PPEF1: variants seen among roughly 807,000 people sequenced by gnomAD.
PPEF1 encodes the protein protein phosphatase with EF-hand domain 1.
PPEF1 carries 12 observed loss-of-function variants against 53.3 expected under a neutral mutation model. That is an observed-to-expected ratio of 0.23 (90% confidence interval 0.14 to 0.36). The LOEUF is 0.36. Among genes scored for constraint, PPEF1 ranks in the 10% least tolerant of loss-of-function variants. PPEF1 has a pLI of 1.00. For missense variants in PPEF1, 334 were observed against 490.4 expected (o/e 0.68, Z 3.01); for synonymous variants, 165 against 176.7 (o/e 0.93, Z 0.52).
chrX:18,799,096 C>T (rs2046492923), intron 10 of PPEF1, among the ~76,000 whole-genome samples: 1 of 111,229 alleles, frequency 9.0e-6, no homozygotes, highest in Non-Finnish European at 1.9e-5. Context: ...ATTAGCCGGG[C>T]GTGGTGGCGC....
At chrX:18,807,991 G>A (rs1163442258) in intron 12 of PPEF1, among the ~76,000 whole-genome samples, 3 of 82,680 alleles carry the variant, frequency 3.6e-5, no homozygotes, top group African/African-American at 4.8e-5. Context: ...TTTTTGAGAC[G>A]GAGTCTTGCT....
At chrX:18,791,795 A>G (rs961669908) in intron 10 of PPEF1, among the ~76,000 whole-genome samples, 1 of 112,087 alleles carries the variant, frequency 8.9e-6, no homozygotes, top group Non-Finnish European at 1.9e-5. Context: ...GTCTTTCATC[A>G]AGTATGATAT....
At chrX:18,826,416 G>GTTTTT (rs2047164827) in intron 15 of PPEF1, among the ~76,000 whole-genome samples, 2 of 51,085 alleles carry the variant, frequency 3.9e-5, no homozygotes, top group African/African-American at 1.9e-4. Flanking sequence ...GTCATTTTCT[G>GTTTTT]CTTTTTTTTT....
At chrX:18,684,776 G>A (rs1446282298) in intron 2 of PPEF1, among the ~76,000 whole-genome samples, 2 of 110,732 alleles carry the variant, frequency 1.8e-5, no homozygotes, top group East Asian at 2.8e-4. Flanking sequence ...CCAGGTATCC[G>A]CCACCACGCC....
intron 4 of PPEF1, among the ~76,000 whole-genome samples, chrX:18,694,629 TGGGA>T (rs1227372488): frequency 1.8e-5 from 2 of 111,128 alleles, no homozygotes; most frequent in Non-Finnish European, 3.8e-5. Flanking sequence ...CCCAACTACT[TGGGA>T]GGCTGAGGTG....
intron 6 of PPEF1, among the ~76,000 whole-genome samples, chrX:18,764,867 G>A (rs1218651593): frequency 4.5e-5 from 5 of 111,792 alleles, no homozygotes; most frequent in African/African-American, 9.8e-5. Context: ...ATGAAAGTGC[G>A]ATAAGGGATA....
intron 1 of PPEF1, among the ~76,000 whole-genome samples, chrX:18,715,280 C>A (rs1388394719): frequency 1.8e-5 from 2 of 110,786 alleles, no homozygotes; most frequent in African/African-American, 6.6e-5. Context: ...ACCTGTAATC[C>A]CAGCACTTTG....
intron 10 of PPEF1, among the ~76,000 whole-genome samples, chrX:18,797,607 A>T (rs1426989820): frequency 8.9e-6 from 1 of 112,181 alleles, no homozygotes; most frequent in Non-Finnish European, 1.9e-5. Flanking sequence ...AAGATCCGTT[A>T]CCTTGCAGAG....
chrX:18,679,603 G>C (rs955530512), upstream of PPEF1, among the ~76,000 whole-genome samples: 12 of 111,724 alleles, frequency 1.1e-4, no homozygotes, highest in African/African-American at 3.9e-4. Flanking sequence ...ATAGCCAGTA[G>C]CCTCAGATCT....
upstream of PPEF1, among the ~76,000 whole-genome samples, chrX:18,678,878 A>G (rs1928774660): frequency 9.1e-6 from 1 of 110,207 alleles, no homozygotes; most frequent in Non-Finnish European, 1.9e-5. Flanking sequence ...TCACCACCCC[A>G]GCGACCTCAT....
At chrX:18,779,295 A>G in intron 7 of PPEF1, 119 bp downstream of exon 7, 1 of 674,340 alleles carries the variant, frequency 1.5e-6, no homozygotes, top group Non-Finnish European at 2.1e-6. Flanking sequence ...GGGGGATCTC[A>G]AGGAGGACTT....
chrX:18,804,182 C>T, intron 11 of PPEF1, 105 bp downstream of exon 11: 3 of 742,646 alleles, frequency 4.0e-6, no homozygotes, highest in Admixed American at 3.9e-5. Flanking sequence ...AAGATGTCTT[C>T]TCTAGTACCA....
chrX:18,753,517 TTTTC>T (rs2045485326), intron 4 of PPEF1, among the ~76,000 whole-genome samples: 1 of 111,937 alleles, frequency 8.9e-6, no homozygotes, highest in African/African-American at 3.2e-5. Flanking sequence ...CTAATTCGTA[TTTTC>T]TTTGTCAAAA....
chrX:18,793,764 C>T (rs1190080776), intron 10 of PPEF1, among the ~76,000 whole-genome samples: 2 of 100,140 alleles, frequency 2.0e-5, no homozygotes, highest in Non-Finnish European at 3.9e-5. Context: ...TTGTAGTAAC[C>T]CTAGGTAGTT....
At chrX:18,803,789 T>A in intron 10 of PPEF1, 103 bp from the exon 11 acceptor site, 2 of 784,187 alleles carry the variant, frequency 2.6e-6, no homozygotes, top group Non-Finnish European at 1.8e-6. Context: ...TGAGAAGTGG[T>A]CTTTGGGATA....
At chrX:18,734,371 ATGCAGTGTT>A (rs1222878225) in intron 3 of PPEF1, among the ~76,000 whole-genome samples, 1 of 104,854 alleles carries the variant, frequency 9.5e-6, no homozygotes, top group Non-Finnish European at 1.9e-5. Context: ...GAGTGAGAAC[ATGCAGTGTT>A]TGGTTTTCTG....
chrX:18,745,163 A>G (rs1360717180), intron 3 of PPEF1, among the ~76,000 whole-genome samples: 1 of 94,849 alleles, frequency 1.1e-5, no homozygotes, highest in Non-Finnish European at 2.0e-5. Context: ...ATTATAATAT[A>G]ATTATATATT....
At chrX:18,803,390 C>T (rs1431999724) in intron 10 of PPEF1, among the ~76,000 whole-genome samples, 1 of 112,747 alleles carries the variant, frequency 8.9e-6, no homozygotes, top group East Asian at 2.8e-4. Flanking sequence ...ATGAACATGT[C>T]ACAGTGCTGC....
At chrX:18,758,274 A>G (rs1216760447) in intron 5 of PPEF1, among the ~76,000 whole-genome samples, 1 of 111,275 alleles carries the variant, frequency 9.0e-6, no homozygotes, top group Non-Finnish European at 1.9e-5. Flanking sequence ...CCAGCCTGGC[A>G]GGATATTGCT....
Sources: allele counts gnomAD v4.1 joint callset (sites outside exome capture counted in the v4.1 genomes callset), GRCh38; gene constraint gnomAD v4.1.1; transcripts MANE v1.5; gene names NCBI Gene and HGNC (gene_info 2026-07-23, HGNC 2026-07-21).